Variants in FRMPD4 observed in about 807,000 individuals in gnomAD.
The protein encoded by FRMPD4 is FERM and PDZ domain-containing protein 4.
In FRMPD4, 22 loss-of-function variants were observed where a neutral mutation model predicts 94.1. The ratio of observed to expected loss-of-function variants is 0.23; its 90% confidence interval spans 0.17 to 0.33. The LOEUF is 0.33. FRMPD4 is among the 10% of genes least tolerant of loss of function. FRMPD4 has a pLI of 1.00. For synonymous variants in FRMPD4, 631 were observed against 548.6 expected, an observed-to-expected ratio of 1.15 and a Z score of -2.10; for missense variants, 1,111 against 1,339.9, an observed-to-expected ratio of 0.83 and a Z score of 2.67.
chrX:11,967,882 G>T (rs1255669177), intron 3 of FRMPD4, among the ~76,000 whole-genome samples: 1 of 109,022 alleles, frequency 9.2e-6, no homozygotes, highest in African/African-American at 3.3e-5. Flanking sequence ...AGATTGGCAG[G>T]AAGCTCCACT....
At chrX:12,101,396 T>C (rs902878590) in intron 3 of FRMPD4, among the ~76,000 whole-genome samples, 3 of 111,188 alleles carry the variant, frequency 2.7e-5, no homozygotes, top group African/African-American at 6.5e-5. Flanking sequence ...GAAGCTCTCT[T>C]TACTTTTCTA....
intron 4 of FRMPD4, among the ~76,000 whole-genome samples, chrX:12,657,816 C>A (rs1390139192): frequency 8.9e-6 from 1 of 112,495 alleles, no homozygotes; most frequent in Non-Finnish European, 1.9e-5. Flanking sequence ...TTCAGATAGA[C>A]TTTACTAAAC....
At chrX:12,668,865 A>T (rs1473403798) in intron 4 of FRMPD4, among the ~76,000 whole-genome samples, 1 of 111,296 alleles carries the variant, frequency 9.0e-6, no homozygotes, top group African/African-American at 3.3e-5. Flanking sequence ...TCGGCCTCCC[A>T]AAGTGCTGGG....
At chrX:12,507,841 T>TA (rs1231553934) in intron 2 of FRMPD4, among the ~76,000 whole-genome samples, 1 of 111,415 alleles carries the variant, frequency 9.0e-6, no homozygotes, top group Non-Finnish European at 1.9e-5. Context: ...ATGCCATGAC[T>TA]CCTCCCTTCC....
intron 3 of FRMPD4, among the ~76,000 whole-genome samples, chrX:12,061,371 A>C (rs1407685617): frequency 9.0e-6 from 1 of 111,620 alleles, no homozygotes; most frequent in Admixed American, 9.5e-5. Context: ...GGTAACTTCT[A>C]CTCTGTTTTC....
chrX:12,597,506 C>T (rs923486008), intron 2 of FRMPD4, among the ~76,000 whole-genome samples: 1 of 112,252 alleles, frequency 8.9e-6, no homozygotes, highest in African/African-American at 3.2e-5. Flanking sequence ...TATTGCATCT[C>T]ATTTTCTGAA....
At chrX:12,660,555 A>G (rs1029689546) in intron 4 of FRMPD4, among the ~76,000 whole-genome samples, 6 of 112,332 alleles carry the variant, frequency 5.3e-5, no homozygotes, top group African/African-American at 1.9e-4. Context: ...TGGCTTGGAC[A>G]TTTTATCTTC....
intron 4 of FRMPD4, among the ~76,000 whole-genome samples, chrX:12,664,568 G>A (rs1239578033): frequency 3.6e-5 from 4 of 111,911 alleles, no homozygotes; most frequent in Non-Finnish European, 7.5e-5. Flanking sequence ...TGATCATGGT[G>A]GATAAGCTTT....
At chrX:12,475,469 C>T (rs371922762) in intron 1 of FRMPD4, among the ~76,000 whole-genome samples, 11 of 111,366 alleles carry the variant, frequency 9.9e-5, no homozygotes, top group African/African-American at 3.6e-4. Flanking sequence ...CCAGGGCAAT[C>T]AGGCAGGAGA....
At chrX:12,082,393 T>G (rs778873966) in intron 3 of FRMPD4, among the ~76,000 whole-genome samples, 5 of 112,200 alleles carry the variant, frequency 4.5e-5, no homozygotes, top group Non-Finnish European at 7.5e-5. Context: ...ATGTAAGAAG[T>G]GCCTTTTGCC....
intron 2 of FRMPD4, among the ~76,000 whole-genome samples, chrX:12,593,831 A>C (rs1191502030): frequency 6.3e-5 from 7 of 111,638 alleles, no homozygotes; most frequent in Non-Finnish European, 1.3e-4. Context: ...CCTAGAAATG[A>C]GTTTGCTGAG....
At chrX:12,559,408 G>A (rs148454209) in intron 2 of FRMPD4, among the ~76,000 whole-genome samples, 1 of 111,516 alleles carries the variant, frequency 9.0e-6, no homozygotes, top group Non-Finnish European at 1.9e-5. Flanking sequence ...CCTGCACTTT[G>A]GGTGGTCAAG....
chrX:12,111,639 C>T (rs2055362880), intron 3 of FRMPD4, among the ~76,000 whole-genome samples: 1 of 111,780 alleles, frequency 8.9e-6, no homozygotes, highest in Admixed American at 9.5e-5. Context: ...AGGCAACCTA[C>T]AGAATGGGAG....
intron 2 of FRMPD4, among the ~76,000 whole-genome samples, chrX:12,559,613 A>G (rs377025867): frequency 1.6e-3 from 167 of 106,326 alleles, no homozygotes; most frequent in African/African-American, 5.3e-3. Flanking sequence ...TAGTGCCATT[A>G]CACTCCAGCC....
At chrX:12,285,259 T>C (rs2054584246) in intron 1 of FRMPD4, among the ~76,000 whole-genome samples, 1 of 111,936 alleles carries the variant, frequency 8.9e-6, no homozygotes, top group Non-Finnish European at 1.9e-5. Context: ...CATGTCACCA[T>C]ACTCCTTCAA....
chrX:12,095,981 A>C (rs1206987782), intron 3 of FRMPD4, among the ~76,000 whole-genome samples: 1 of 111,694 alleles, frequency 9.0e-6, no homozygotes, highest in Non-Finnish European at 1.9e-5. Context: ...TTCCCTCTGT[A>C]AGATTCATAC....
intron 2 of FRMPD4, among the ~76,000 whole-genome samples, chrX:12,522,594 CTTTTT>C (rs373581040): frequency 2.4e-3 from 179 of 74,524 alleles, no homozygotes; most frequent in Non-Finnish European, 3.1e-3. Context: ...TTTTCTTTTC[CTTTTT>C]TTTTTTTTTT....
At chrX:12,182,853 A>G (rs776051573) in intron 1 of FRMPD4, among the ~76,000 whole-genome samples, 28 of 111,590 alleles carry the variant, frequency 2.5e-4, no homozygotes, top group African/African-American at 9.1e-4. Flanking sequence ...AAATGAATTA[A>G]CTAACAATTT....
At chrX:12,007,795 A>G (rs183334697) in intron 3 of FRMPD4, among the ~76,000 whole-genome samples, 3 of 112,440 alleles carry the variant, frequency 2.7e-5, no homozygotes, top group East Asian at 2.8e-4. Flanking sequence ...TCGGTCCTCT[A>G]TATCCCCACT....
Sources: allele counts gnomAD v4.1 joint callset (sites outside exome capture counted in the v4.1 genomes callset), GRCh38; gene constraint gnomAD v4.1.1; transcripts MANE v1.5; gene names NCBI Gene and HGNC (gene_info 2026-07-23, HGNC 2026-07-21).